Variants in RRM2B observed in about 807,000 individuals in gnomAD.
RRM2B encodes the protein ribonucleoside-diphosphate reductase subunit M2 B.
Under a neutral mutation model 45.9 loss-of-function variants are expected in RRM2B, and 20 were observed. The ratio of observed to expected loss-of-function variants is 0.44; its 90% CI spans 0.31 to 0.63. RRM2B has a LOEUF of 0.63. Ranked by LOEUF, RRM2B falls within the 30% of genes least tolerant of loss-of-function variation. RRM2B has a pLI of 0.09. For synonymous variants in RRM2B, 124 were observed against 132.3 expected (o/e 0.94, Z 0.43); for missense variants, 320 against 414.7 (o/e 0.77, Z 1.98).
At chr8:102,215,605 C>T (rs1056054985) in intron 6 of RRM2B, among the ~76,000 whole-genome samples, 3 of 151,954 alleles carry the variant, frequency 2.0e-5, no homozygotes. Context: ...GAGTCCCAAG[C>T]GGGCACAGAG....
chr8:102,231,858 G>A (rs1468329850), intron 2 of RRM2B, among the ~76,000 whole-genome samples: 1 of 124,066 alleles, frequency 8.1e-6, no homozygotes, highest in Non-Finnish European at 1.6e-5. Context: ...GACAGAGTGA[G>A]ACTCTGTCTC....
chr8:102,226,696 T>C (rs1810938469), intron 2 of RRM2B, among the ~76,000 whole-genome samples: 1 of 152,156 alleles, frequency 6.6e-6, no homozygotes, highest in African/African-American at 2.4e-5. Context: ...CCAGAAGTAA[T>C]GCCAGGCAGG....
intron 8 of RRM2B, among the ~76,000 whole-genome samples, chr8:102,210,272 G>A (rs1810613176): frequency 6.6e-6 from 1 of 152,152 alleles, no homozygotes; most frequent in Non-Finnish European, 1.5e-5. Context: ...ATCAGAAATT[G>A]TGTGTAAAAA....
At chr8:102,216,891 T>C (rs1395699941) in intron 6 of RRM2B, among the ~76,000 whole-genome samples, 1 of 152,096 alleles carries the variant, frequency 6.6e-6, no homozygotes, top group Admixed American at 6.6e-5. Context: ...TGTTCATACA[T>C]TGCTAGATGG....
intron 5 of RRM2B, among the ~76,000 whole-genome samples, chr8:102,223,335 T>C (rs1264920666): frequency 2.0e-5 from 3 of 152,198 alleles, no homozygotes; most frequent in Non-Finnish European, 2.9e-5. Flanking sequence ...ATTACACTAA[T>C]CTTTAGTTTT....
At position 102,206,590 on chromosome 8, in the gene RRM2B, A is replaced by C. The variant is rs1810547510; in HGVS notation, c.*1543T>G. 1 of 152,174 alleles carries C rather than the reference A, an allele frequency of 6.6e-6. No homozygotes were observed. Among genetic ancestry groups the C allele is most frequent in the Non-Finnish European group, 1.5e-5 (1 of 68,008 alleles). 9.4% of individuals were successfully genotyped at this position (152,174 alleles called of 1,614,324 possible). On this transcript the variant is annotated 3_prime_UTR_variant, in exon 9 of 9. Transcript: ENST00000251810. ...AAAATCTCTAAGTTTTAGCATCCAG[A>C]ATTGTATAAAGTACAGTTTGTTGGG...
In RRM2B at chr8:102,225,029, A is replaced by T. The variant is rs752394560; in HGVS notation, c.322-11T>A. The T allele has an allele frequency of 8.7e-6, 14 of 1,613,728 alleles. No individual in the cohort carries two copies. The highest frequency in any genetic ancestry group is 1.1e-5 in the Non-Finnish European group (13 of 1,179,876). ...ACTAAAGCGCTCCACCTAAGAAGAT[A>T]AGGAAAATAGATATATCCAGTTCTA... On this transcript the variant is annotated splice_polypyrimidine_tract_variant and intron_variant, in intron 3 of 8. Coordinates refer to ENST00000251810, the MANE Select transcript of RRM2B (RefSeq NM_015713.5).
chr8:102,213,483 A>C (rs892559631), intron 7 of RRM2B, among the ~76,000 whole-genome samples: 1 of 152,188 alleles, frequency 6.6e-6, no homozygotes, highest in African/African-American at 2.4e-5. Flanking sequence ...TCCTCTTTCA[A>C]TATACAAACT....
At chr8:102,238,518 T>C in intron 1 of RRM2B, 1 of 1,434,548 alleles carries the variant, frequency 7.0e-7, no homozygotes, top group African/African-American at 1.4e-5. Context: ...GGAAGGAGGG[T>C]GGGAGAGCGT....
chr8:102,225,646 C>T (rs1416961852), intron 3 of RRM2B, among the ~76,000 whole-genome samples: 2 of 152,194 alleles, frequency 1.3e-5, no homozygotes, highest in Non-Finnish European at 2.9e-5. Context: ...GGTTAAGGTG[C>T]AGGTTCTCTA....
intron 5 of RRM2B, among the ~76,000 whole-genome samples, chr8:102,220,841 T>C (rs553444301): frequency 6.6e-6 from 1 of 152,208 alleles, no homozygotes; most frequent in Non-Finnish European, 1.5e-5. Context: ...ATTAAAGGAT[T>C]ATAAGTGGTA....
At position 102,218,819 on chromosome 8, in the gene RRM2B, C is replaced by G; in HGVS notation, c.679G>C (p.Asp227His). ...LTFSNELISRDEGLHCDFACL... is the reference protein window; with the variant it reads ...LTFSNELISRHEGLHCDFACL... ...AAAAACATTCCATTCCTTACTTCAT[C>G]TCTGCTGATGAGTTCATTGGAAAAA... The change falls in exon 6 of 9, where the codon GAT (aspartate) becomes CAT (histidine). Residue 227 changes from aspartate to histidine, a missense_variant. Physicochemically the swap from Asp to His is moderately conservative, Grantham distance 81. Around this residue, in one of 3 missense-constraint regions of RRM2B, gnomAD observed 225 missense variants for 289.4 expected, o/e 0.78. Transcript: ENST00000251810. 1.9e-6 allele frequency: 3 copies of G among 1,610,100 alleles called. No individual in the cohort carries two copies. Among genetic ancestry groups the G allele is most frequent in the Non-Finnish European group, 2.5e-6 (3 of 1,176,850 alleles).
At chr8:102,227,951 T>A (rs1201358000) in intron 2 of RRM2B, among the ~76,000 whole-genome samples, 10 of 152,142 alleles carry the variant, frequency 6.6e-5, no homozygotes, top group Admixed American at 6.5e-4. Context: ...ATAGACATCA[T>A]TTTGATAGGG....
chr8:102,238,574 C>T, intron 1 of RRM2B: 1 of 1,524,018 alleles, frequency 6.6e-7, no homozygotes, highest in Non-Finnish European at 8.8e-7. Flanking sequence ...CCTGAGGCCT[C>T]CAAGCGTCGT....
chr8:102,233,143 T>G (rs1811061459), intron 1 of RRM2B, among the ~76,000 whole-genome samples: 1 of 152,154 alleles, frequency 6.6e-6, no homozygotes, highest in South Asian at 2.1e-4. Context: ...CACATACAAC[T>G]TCTAGACTCC....
chr8:102,231,458 G>A (rs1346545727), intron 2 of RRM2B, among the ~76,000 whole-genome samples: 1 of 152,198 alleles, frequency 6.6e-6, no homozygotes, highest in African/African-American at 2.4e-5. Context: ...TGAAAGCAGA[G>A]TTGCTACAGC....
At chr8:102,214,873 A>C (rs1405442648) in intron 6 of RRM2B, among the ~76,000 whole-genome samples, 4 of 151,222 alleles carry the variant, frequency 2.6e-5, no homozygotes, top group African/African-American at 9.7e-5. Flanking sequence ...CATACAAAGC[A>C]GATATGATCT....
intron 5 of RRM2B, among the ~76,000 whole-genome samples, chr8:102,222,636 T>C (rs1810855999): frequency 6.6e-6 from 1 of 152,202 alleles, no homozygotes; most frequent in African/African-American, 2.4e-5. Context: ...GACATATCCG[T>C]AATAATCTGA....
At chr8:102,225,311 G>A (rs1810913571) in intron 3 of RRM2B, among the ~76,000 whole-genome samples, 2 of 137,070 alleles carry the variant, frequency 1.5e-5, no homozygotes, top group Non-Finnish European at 3.0e-5. Flanking sequence ...TTGGCTCACT[G>A]CAACCTCTGC....
Sources: gnomAD v4.1 joint callset for allele counts (sites outside exome capture counted in the v4.1 genomes callset) on GRCh38, gnomAD v4.1.1 for gene constraint, gnomAD v4.1.1 regional missense constraint, MANE v1.5 for transcripts, NCBI Gene and HGNC (gene_info 2026-07-23, HGNC 2026-07-21) for gene names.